PDXDC1: variants seen among roughly 807,000 people sequenced by gnomAD.
PDXDC1 encodes pyridoxal dependent decarboxylase domain containing 1.
A neutral mutation model predicts 100.1 loss-of-function variants in PDXDC1; 42 were observed. That is an observed-to-expected ratio of 0.42 (90% CI 0.33 to 0.54). The LOEUF (loss-of-function observed/expected upper bound fraction) is 0.54. PDXDC1 is among the 20% of genes least tolerant of loss of function. PDXDC1 has a pLI of 0.10. For synonymous variants in PDXDC1, 260 were observed against 371.7 expected, an observed-to-expected ratio of 0.70 and a Z score of 3.46; for missense variants, 636 against 979.2, an observed-to-expected ratio of 0.65 and a Z score of 4.68.
At chr16:14,985,505 G>GCC (rs1969159221) in intron 1 of PDXDC1, among the ~76,000 whole-genome samples, 1 of 151,678 alleles carries the variant, frequency 6.6e-6, no homozygotes, top group Non-Finnish European at 1.5e-5. Flanking sequence ...AGCCAGGATG[G>GCC]TCTCCATCTG....
chr16:15,125,813 G>C (rs764317523), intron 16 of PDXDC1: 26 of 1,167,994 alleles, frequency 2.2e-5, no homozygotes, highest in Admixed American at 1.5e-4. Context: ...GCCACCTGCA[G>C]GACGACAGCA....
intron 16 of PDXDC1, chr16:15,073,183 C>A: frequency 7.7e-7 from 1 of 1,300,164 alleles, no homozygotes; most frequent in South Asian, 1.3e-5. Context: ...CAACATTATC[C>A]AGCCAAGCAC....
chr16:15,124,778 A>G (rs1474235417), intron 16 of PDXDC1, among the ~76,000 whole-genome samples: 1 of 151,786 alleles, frequency 6.6e-6, no homozygotes, highest in Non-Finnish European at 1.5e-5. Flanking sequence ...TCTCAAAAAC[A>G]GCAACAACTA....
At chr16:14,991,217 C>T (rs1458352423) in intron 1 of PDXDC1, among the ~76,000 whole-genome samples, 2 of 152,204 alleles carry the variant, frequency 1.3e-5, no homozygotes, top group East Asian at 3.9e-4. Context: ...CACAATGTGG[C>T]TTCTAAACTA....
chr16:15,105,156 TAAG>T (rs1398511413), intron 16 of PDXDC1, among the ~76,000 whole-genome samples: 1 of 121,906 alleles, frequency 8.2e-6, no homozygotes. Context: ...CAACAGACAG[TAAG>T]AGACAGTAAG....
intron 13 of PDXDC1, among the ~76,000 whole-genome samples, chr16:15,023,545 G>A (rs1366832747): frequency 3.3e-5 from 5 of 152,296 alleles, no homozygotes; most frequent in South Asian, 2.1e-4. Flanking sequence ...TGTAGTCCCA[G>A]CTACTGGGGA....
intron 17 of PDXDC1, 193 bp from the exon 18 acceptor site, chr16:15,032,668 A>AAAAAAAAAAAAAAATG: frequency 2.7e-6 from 1 of 374,106 alleles, no homozygotes. Flanking sequence ...AAAAAAAAAA[A>AAAAAAAAAAAAAAATG]AGGCTTTCCT....
chr16:15,089,887 G>T (rs2046062665), intron 16 of PDXDC1, among the ~76,000 whole-genome samples: 3 of 149,878 alleles, frequency 2.0e-5, no homozygotes, highest in African/African-American at 4.9e-5. Flanking sequence ...AGTGTCGGCT[G>T]ATACAAGGAA....
At chr16:15,133,666 C>T (rs2048214162) in intron 16 of PDXDC1, 13 of 1,565,372 alleles carry the variant, frequency 8.3e-6, no homozygotes, top group East Asian at 2.3e-5. Flanking sequence ...GCAGGGCGTA[C>T]ACCAGCGGGG....
intron 1 of PDXDC1, among the ~76,000 whole-genome samples, chr16:14,985,374 G>T (rs1487655874): frequency 1.4e-5 from 2 of 140,700 alleles, no homozygotes; most frequent in Non-Finnish European, 3.0e-5. Flanking sequence ...TGCAAGCTCC[G>T]CCTCCCGGGT....
Position 15,037,679 on chromosome 16 carries a change from AAATT to A in PDXDC1, c.*1405_*1408del. The A allele has an allele frequency of 5.6e-6, 1 of 178,652 alleles. No homozygotes were observed. The highest frequency in any genetic ancestry group is 1.9e-4 in the South Asian group (1 of 5,270). The allele number at this position is 178,652 out of a possible 1,614,324, so 11.1% of individuals were successfully genotyped here. On this transcript the variant is annotated 3_prime_UTR_variant, in exon 23 of 23. Transcript: ENST00000396410. ...ATGTTGGTTTCAATAAAGGTTCTTG[AAATT>A]GTTACCAGTGAATTCAGTTTATAAA...
At chr16:15,042,027 A>T (rs1254886997), downstream of PDXDC1, among the ~76,000 whole-genome samples, 2 of 152,236 alleles carry the variant, frequency 1.3e-5, no homozygotes, top group African/African-American at 4.8e-5. Flanking sequence ...AGAATTACAA[A>T]AACAAAAATC....
At chr16:15,000,994 C>T (rs1423107530) in intron 3 of PDXDC1, among the ~76,000 whole-genome samples, 34 of 151,346 alleles carry the variant, frequency 2.2e-4, no homozygotes, top group Middle Eastern at 6.9e-3. Context: ...GCTCTTATTA[C>T]ATGCTTATTA....
chr16:15,130,921 G>A, intron 16 of PDXDC1: 2 of 705,870 alleles, frequency 2.8e-6, no homozygotes, highest in South Asian at 1.6e-5. Flanking sequence ...CACCAGAGCT[G>A]GCACCTGCTT....
chr16:15,073,960 C>A (rs1263103983), intron 16 of PDXDC1, among the ~76,000 whole-genome samples: 2 of 152,088 alleles, frequency 1.3e-5, no homozygotes, highest in African/African-American at 2.4e-5. Context: ...ATGTAAAGGG[C>A]AGATTATGAA....
rs1313428037 is a variant in PDXDC1 at position 15,063,879 on chromosome 16, A to T, written c.1399+33823A>T. ...GAAATTGTTTCTAAACTTTACAAAGACTCACAAGTCAGTTAGATACAGTAT... is the reference window on the plus strand; with the variant it reads ...GAAATTGTTTCTAAACTTTACAAAGTCTCACAAGTCAGTTAGATACAGTAT... On this transcript the variant is annotated intron_variant, in intron 16 of 16. Transcript: ENST00000535621. Among the ~76,000 whole-genome samples, 4 of 152,098 alleles carry T rather than the reference A, an allele frequency of 2.6e-5. No homozygotes were observed. The East Asian group carries it at 5.8e-4, about 22-fold the overall frequency.
chr16:15,041,724 A>G, downstream of PDXDC1: 2 of 1,353,776 alleles, frequency 1.5e-6, no homozygotes, highest in Non-Finnish European at 2.1e-6. Context: ...TCCTCTAGTT[A>G]CCAGAACAAA....
In PDXDC1 at chr16:15,037,842, G is replaced by GTCTCAACAAATGC. The variant is rs1567747858; in HGVS notation, c.*1568_*1580dup. On this transcript the variant is annotated 3_prime_UTR_variant, in exon 23 of 23. Transcript: ENST00000396410. ...AATTTTTTAGTAAACCAAAAAATAAGTCTCAACAAATGCCTTTGCCAAAAT... is the reference window on the plus strand; with the variant it reads ...AATTTTTTAGTAAACCAAAAAATAAGTCTCAACAAATGCTCTCAACAAATGCCTTTGCCAAAAT... The GTCTCAACAAATGC allele has an allele frequency of 6.1e-6, 3 of 491,406 alleles. No homozygotes were observed. The allele number at this position is 491,406 out of a possible 1,614,324, so 30.4% of individuals were successfully genotyped here. A position where few individuals can be genotyped will look rare whatever the true frequency, so the allele number is the denominator to read the frequency against.
chr16:15,104,437 TGG>T (rs780212697), intron 16 of PDXDC1: 47 of 1,303,000 alleles, frequency 3.6e-5, no homozygotes, highest in East Asian at 7.4e-5. Flanking sequence ...CCGCTGAGGG[TGG>T]AGCTGAGGGT....
Sources: allele counts gnomAD v4.1 joint callset (sites outside exome capture counted in the v4.1 genomes callset), GRCh38; gene constraint gnomAD v4.1.1; transcripts MANE v1.5; gene names NCBI Gene and HGNC (gene_info 2026-07-23, HGNC 2026-07-21).